Variants in FHIT observed in about 807,000 individuals in gnomAD.
FHIT encodes the protein bis(5'-adenosyl)-triphosphatase.
In FHIT, 19 loss-of-function variants were observed where a neutral mutation model predicts 17.9. That is an observed-to-expected ratio of 1.06 (90% CI 0.74 to 1.56). The LOEUF is 1.56. FHIT is among the 40% of genes most tolerant of loss of function. The pLI, the probability that FHIT is intolerant of heterozygous loss-of-function variation, is 0.00. For synonymous variants in FHIT, 81 were observed against 69.7 expected, an observed-to-expected ratio of 1.16 and a Z score of -0.81; for missense variants, 248 against 189.2, an observed-to-expected ratio of 1.31 and a Z score of -1.82.
intron 3 of FHIT, among the ~76,000 whole-genome samples, chr3:61,001,896 G>A (rs1235986935): frequency 6.6e-6 from 1 of 152,104 alleles, no homozygotes; most frequent in East Asian, 1.9e-4. Context: ...TTGTCCTCTA[G>A]TTAGGCAAGA....
rs115765423 is a variant in FHIT at position 59,809,787 on chromosome 3, G to C, written c.349-57466C>G. On this transcript the variant is annotated intron_variant, in intron 8 of 9. Transcript: ENST00000492590. ...GTCTTCAGACCTGTGCCTCTCCTTT[G>C]AGGATCCCTTCCCCGAAGCTGCCAA... Among the ~76,000 whole-genome samples the C allele has an allele frequency of 2.2e-3, 333 of 152,218 alleles. 2 individuals are homozygous for C. The highest frequency in any genetic ancestry group is 7.8e-3 in the African/African-American group (323 of 41,524).
chr3:60,000,449 T>C (rs1274628510), intron 7 of FHIT, among the ~76,000 whole-genome samples: 2 of 152,198 alleles, frequency 1.3e-5, no homozygotes, highest in African/African-American at 4.8e-5. Context: ...ACAAAGACCA[T>C]CTGGCCCTCA....
In FHIT at chr3:61,035,875, T is replaced by C. The variant is rs144840564; in HGVS notation, c.-111+6172A>G. ...TCTGGCTCCTCAGTAATGTTTAGCA[T>C]GCATATTCCAATAGATAAAATCCCT... On this transcript the variant is annotated intron_variant, in intron 3 of 9. Coordinates refer to ENST00000492590, the MANE Select transcript of FHIT (RefSeq NM_002012.4). Among the ~76,000 whole-genome samples, 194 of 152,346 alleles carry C rather than the reference T, an allele frequency of 1.3e-3. 4 individuals are homozygous for C. The East Asian group carries it at 0.03, about 24-fold the overall frequency.
intron 5 of FHIT, among the ~76,000 whole-genome samples, chr3:60,238,460 A>AAG (rs1329542717): frequency 6.6e-6 from 1 of 151,494 alleles, no homozygotes; most frequent in Non-Finnish European, 1.5e-5. Context: ...AAAAAAAAAA[A>AAG]AAAAGTCACA....
chr3:61,002,086 G>A (rs2031123829), intron 3 of FHIT, among the ~76,000 whole-genome samples: 2 of 152,162 alleles, frequency 1.3e-5, no homozygotes, highest in Admixed American at 1.3e-4. Flanking sequence ...AATGTAGAAT[G>A]ATTAAATCAA....
intron 8 of FHIT, among the ~76,000 whole-genome samples, chr3:59,885,335 G>A (rs764419375): frequency 3.3e-5 from 5 of 152,052 alleles, no homozygotes; most frequent in Non-Finnish European, 5.9e-5. Context: ...GGGCTGCCAT[G>A]TGTCCTCTCC....
At chr3:60,016,918 A>G (rs1700365389) in intron 5 of FHIT, among the ~76,000 whole-genome samples, 1 of 152,178 alleles carries the variant, frequency 6.6e-6, no homozygotes, top group Non-Finnish European at 1.5e-5. Context: ...AAACCCATAA[A>G]CTATTAATAC....
chr3:60,452,390 T>G (rs373973765), intron 5 of FHIT, among the ~76,000 whole-genome samples: 1 of 152,312 alleles, frequency 6.6e-6, no homozygotes, highest in African/African-American at 2.4e-5. Context: ...GAGGCTTTAC[T>G]GTGTACCCAA....
chr3:59,813,810 A>G lies in FHIT; in HGVS notation c.349-61489T>C, dbSNP rs113488500. Among the ~76,000 whole-genome samples the G allele has an allele frequency of 4.2e-3, 644 of 152,184 alleles. 1 individual carries two copies. Among genetic ancestry groups the G allele is most frequent in the African/African-American group, 0.015 (602 of 41,504 alleles). ...GGGTTGGGCATACACGTGACTCAATAAACAGCTAGATAAGTCATTGTTCCT... is the reference window on the plus strand; with the variant it reads ...GGGTTGGGCATACACGTGACTCAATGAACAGCTAGATAAGTCATTGTTCCT... On this transcript the variant is annotated intron_variant, in intron 8 of 9. Coordinates refer to ENST00000492590, the MANE Select transcript of FHIT (RefSeq NM_002012.4).
At chr3:60,328,415 G>A (rs965198960) in intron 5 of FHIT, among the ~76,000 whole-genome samples, 3 of 152,186 alleles carry the variant, frequency 2.0e-5, no homozygotes, top group African/African-American at 4.8e-5. Context: ...CATGGAGGAA[G>A]GCGAAGGAAG....
At chr3:59,831,080 G>A (rs939541635) in intron 8 of FHIT, among the ~76,000 whole-genome samples, 1 of 152,084 alleles carries the variant, frequency 6.6e-6, no homozygotes, top group Admixed American at 6.5e-5. Flanking sequence ...CTGTAAAATG[G>A]GAGGCTATAA....
intron 5 of FHIT, among the ~76,000 whole-genome samples, chr3:60,358,300 C>A (rs1252340907): frequency 6.6e-6 from 1 of 152,110 alleles, no homozygotes; most frequent in Non-Finnish European, 1.5e-5. Flanking sequence ...GATTTTGATA[C>A]TAGAGATGTA....
chr3:61,092,060 G>A (rs1000822875), intron 2 of FHIT, among the ~76,000 whole-genome samples: 1 of 150,970 alleles, frequency 6.6e-6, no homozygotes, highest in African/African-American at 2.4e-5. Flanking sequence ...TTCCATCCTT[G>A]GGTCAATGTA....
intron 2 of FHIT, among the ~76,000 whole-genome samples, chr3:61,185,073 T>TC (rs929519397): frequency 2.7e-5 from 4 of 150,008 alleles, no homozygotes; most frequent in East Asian, 4.2e-4. Flanking sequence ...ATAGACTTTT[T>TC]CCCCCCCACG....
At chr3:60,538,604 T>C (rs1312793526) in intron 4 of FHIT, among the ~76,000 whole-genome samples, 2 of 151,974 alleles carry the variant, frequency 1.3e-5, no homozygotes, top group Admixed American at 6.6e-5. Context: ...TATAGACCAA[T>C]GGAACAGAAC....
intron 2 of FHIT, among the ~76,000 whole-genome samples, chr3:61,058,136 C>T (rs1307192846): frequency 6.6e-6 from 1 of 152,042 alleles, no homozygotes; most frequent in African/African-American, 2.4e-5. Flanking sequence ...CCACTTAGAA[C>T]ACTGCCTGGC....
intron 3 of FHIT, among the ~76,000 whole-genome samples, chr3:61,007,171 G>A (rs988179713): frequency 4.6e-5 from 7 of 152,122 alleles, no homozygotes; most frequent in Non-Finnish European, 7.4e-5. Context: ...TTCTTCTTTA[G>A]TAATCATCTT....
At chr3:60,609,810 T>G (rs1422895861) in intron 4 of FHIT, among the ~76,000 whole-genome samples, 2 of 152,138 alleles carry the variant, frequency 1.3e-5, no homozygotes, top group Non-Finnish European at 2.9e-5. Context: ...CTTCTAATCT[T>G]CCTTCTATCA....
At chr3:59,939,308 C>T (rs1257853871) in intron 7 of FHIT, among the ~76,000 whole-genome samples, 1 of 152,100 alleles carries the variant, frequency 6.6e-6, no homozygotes, top group Non-Finnish European at 1.5e-5. Context: ...CACAGACTGG[C>T]CATTAACAGA....
Sources: allele counts gnomAD v4.1 joint callset (sites outside exome capture counted in the v4.1 genomes callset), GRCh38; gene constraint gnomAD v4.1.1; transcripts MANE v1.5; gene names NCBI Gene and HGNC (gene_info 2026-07-23, HGNC 2026-07-21).